IL33: variants seen among roughly 807,000 people sequenced by gnomAD.
IL33 encodes interleukin-33.
A neutral mutation model predicts 27.3 loss-of-function variants in IL33; 37 were observed. The ratio of observed to expected loss-of-function variants is 1.36; its 90% CI spans 1.04 to 1.78. The LOEUF is 1.78. IL33 is among the 40% of genes most tolerant of loss of function. The pLI is 0.00. For synonymous variants in IL33, 132 were observed against 102.9 expected (o/e 1.28, Z -1.71); for missense variants, 406 against 311.4 (o/e 1.30, Z -2.29).
intron 1 of IL33, among the ~76,000 whole-genome samples, chr9:6,228,460 G>T (rs1360575457): frequency 6.6e-6 from 1 of 151,596 alleles, no homozygotes; most frequent in African/African-American, 2.4e-5. Flanking sequence ...AGAAGAAAAT[G>T]ATCTCAACTT....
rs1207584653 is a variant in IL33, at chr9:6,257,406, C to G, written c.*1238C>G. On this transcript the variant is annotated 3_prime_UTR_variant, in exon 8 of 8. Transcript: ENST00000682010. ...TCTGTATCACCTGACCTCTGGATGC[C>G]AAAACGTTTATTCTGCTTTGTCTGT... 2 of 152,518 alleles carry G rather than the reference C, an allele frequency of 1.3e-5. No homozygotes were observed. The highest frequency in any genetic ancestry group is 2.9e-5 in the Non-Finnish European group (2 of 68,012). The allele number at this position is 152,518 out of a possible 1,614,324, so 9.4% of individuals were successfully genotyped here.
intron 1 of IL33, among the ~76,000 whole-genome samples, chr9:6,218,487 G>C (rs572412936): frequency 2.6e-5 from 4 of 151,660 alleles, no homozygotes; most frequent in Non-Finnish European, 4.4e-5. Flanking sequence ...AACTAACTTC[G>C]GGGAAATAGG....
intron 2 of IL33, among the ~76,000 whole-genome samples, chr9:6,243,406 G>A (rs1564065211): frequency 6.6e-6 from 1 of 152,168 alleles, no homozygotes; most frequent in Non-Finnish European, 1.5e-5. Context: ...CCAGGCTGAA[G>A]TGCAGTGGCA....
At position 6,256,557 on chromosome 9, in the gene IL33, T is replaced by C. The variant is rs1029416492; in HGVS notation, c.*389T>C. On this transcript the variant is annotated 3_prime_UTR_variant, in exon 8 of 8. Coordinates refer to ENST00000682010, the MANE Select transcript of IL33 (RefSeq NM_033439.4). ...TAGACAGGGATCCATTTTAAAGAGC[T>C]ACTTAGAGAAATAATTTTCCACAGT... is the stretch of plus-strand genomic sequence containing the variant. 4 of 349,150 alleles carry C rather than the reference T, an allele frequency of 1.1e-5. No homozygotes were observed. The highest frequency in any genetic ancestry group is 2.1e-5 in the Non-Finnish European group (4 of 193,408). The allele number at this position is 349,150 out of a possible 1,614,324, so 21.6% of individuals were successfully genotyped here.
intron 4 of IL33, among the ~76,000 whole-genome samples, chr9:6,252,506 T>C (rs1038785396): frequency 1.3e-5 from 2 of 152,206 alleles, no homozygotes; most frequent in African/African-American, 2.4e-5. Context: ...TATTTATCCA[T>C]GTCTATCAAA....
chr9:6,253,203 T>C (rs1453863493), intron 5 of IL33, among the ~76,000 whole-genome samples: 2 of 152,144 alleles, frequency 1.3e-5, no homozygotes, highest in African/African-American at 4.8e-5. Flanking sequence ...CAGAGAAGAA[T>C]GCTGACATTG....
chr9:6,243,873 C>T (rs1270519274), intron 2 of IL33, among the ~76,000 whole-genome samples: 1 of 152,164 alleles, frequency 6.6e-6, no homozygotes, highest in Non-Finnish European at 1.5e-5. Context: ...TCTGTCTTCC[C>T]TGAGGCTGTG....
At chr9:6,230,533 G>C (rs1818877068) in intron 1 of IL33, among the ~76,000 whole-genome samples, 2 of 152,080 alleles carry the variant, frequency 1.3e-5, no homozygotes, top group South Asian at 4.1e-4. Flanking sequence ...TAGAGGATTG[G>C]TGTGTCACAC....
intron 1 of IL33, among the ~76,000 whole-genome samples, chr9:6,216,121 TTA>T (rs1199915008): frequency 8.1e-6 from 1 of 123,800 alleles, no homozygotes; most frequent in Non-Finnish European, 1.7e-5. Flanking sequence ...CCATGAAACT[TTA>T]TTTTATTTTA....
At chr9:6,220,774 T>C (rs993823443) in intron 1 of IL33, among the ~76,000 whole-genome samples, 4 of 152,250 alleles carry the variant, frequency 2.6e-5, no homozygotes, top group East Asian at 3.9e-4. Context: ...TATTATTTAT[T>C]TTTGAGACAG....
chr9:6,245,622 G>A lies in IL33; in HGVS notation c.91+3837G>A, dbSNP rs555159603. On this transcript the variant is annotated intron_variant, in intron 2 of 7. Coordinates refer to ENST00000682010, the MANE Select transcript of IL33 (RefSeq NM_033439.4). ...ATTAATCTAAGGGACTAATGATGAAGGTGTGACCTAAGACAACAGAATAGA... is the reference window on the plus strand; with the variant it reads ...ATTAATCTAAGGGACTAATGATGAAAGTGTGACCTAAGACAACAGAATAGA... Among the ~76,000 whole-genome samples the A allele has an allele frequency of 1.6e-3, 251 of 152,250 alleles. 1 individual carries two copies. The highest frequency in any genetic ancestry group is 5.7e-3 in the African/African-American group (235 of 41,544).
chr9:6,219,413 G>C (rs140021489), intron 1 of IL33, among the ~76,000 whole-genome samples: 3 of 152,160 alleles, frequency 2.0e-5, no homozygotes, highest in Non-Finnish European at 4.4e-5. Context: ...TCCCTATAGC[G>C]GACTCCTGGC....
intron 1 of IL33, among the ~76,000 whole-genome samples, chr9:6,218,888 T>C: frequency 9.2e-6 from 1 of 108,616 alleles, no homozygotes; most frequent in South Asian, 3.1e-4. Context: ...TCCATATATA[T>C]ATATGTTCTC....
intron 1 of IL33, among the ~76,000 whole-genome samples, chr9:6,216,363 G>C (rs746051656): frequency 1.3e-5 from 2 of 152,158 alleles, no homozygotes; most frequent in Non-Finnish European, 2.9e-5. Context: ...TATAAAGCAA[G>C]TTGATAATTC....
chr9:6,218,193 T>C (rs917436313), intron 1 of IL33, among the ~76,000 whole-genome samples: 5 of 152,172 alleles, frequency 3.3e-5, no homozygotes, highest in Non-Finnish European at 5.9e-5. Context: ...TCCATTCTTC[T>C]CTGAAAGGAT....
intron 6 of IL33, 29 bp from the exon 7 acceptor site, chr9:6,254,433 T>C: frequency 7.0e-7 from 1 of 1,425,366 alleles, no homozygotes; most frequent in Non-Finnish European, 9.6e-7. Context: ...AGTTCTTAAC[T>C]TTATCATTTA....
chr9:6,242,101 C>T (rs1819560341), intron 2 of IL33: 3 of 171,554 alleles, frequency 1.7e-5, no homozygotes, highest in Non-Finnish European at 3.7e-5. Flanking sequence ...GCTGCCAAAC[C>T]CCCAAAACCT....
chr9:6,257,618 T>C lies in IL33; in HGVS notation c.*1450T>C, dbSNP rs1420283220. The stretch of plus-strand genomic sequence containing the variant: ...CAACTTTTCTTAGACTTAACACTTA[T>C]GATAAATGACTAACATAGTAACAGA... On this transcript the variant is annotated 3_prime_UTR_variant, in exon 8 of 8. Coordinates refer to ENST00000682010, the MANE Select transcript of IL33 (RefSeq NM_033439.4). The C allele has an allele frequency of 2.0e-5, 3 of 152,638 alleles. No individual in the cohort carries two copies. Among genetic ancestry groups the C allele is most frequent in the Non-Finnish European group, 2.9e-5 (2 of 68,034 alleles). 9.5% of individuals were successfully genotyped at this position (152,638 alleles called of 1,614,324 possible). A position where few individuals can be genotyped will look rare whatever the true frequency, so the allele number is the denominator to read the frequency against.
chr9:6,254,218 C>A (rs974075873), intron 6 of IL33, among the ~76,000 whole-genome samples: 5 of 152,086 alleles, frequency 3.3e-5, no homozygotes, highest in African/African-American at 7.2e-5. Context: ...CGAGAAGTAA[C>A]CATTAGGGTC....
Sources: gnomAD v4.1 joint callset for allele counts (sites outside exome capture counted in the v4.1 genomes callset) on GRCh38, gnomAD v4.1.1 for gene constraint, MANE v1.5 for transcripts, NCBI Gene and HGNC (gene_info 2026-07-23, HGNC 2026-07-21) for gene names.